SCOC: variants seen among roughly 807,000 people sequenced by gnomAD.
SCOC encodes short coiled coil protein.
Under a neutral mutation model 9.9 loss-of-function variants are expected in SCOC, and 7 were observed. That is an observed-to-expected ratio of 0.71 (90% CI 0.40 to 1.33). SCOC has a LOEUF of 1.33. Among genes scored for constraint, SCOC ranks in the 40% most tolerant of loss-of-function variants. The pLI is 0.01. For synonymous variants in SCOC, 19 were observed against 28.2 expected (o/e 0.67, Z 1.03); for missense variants, 66 against 89.7 (o/e 0.74, Z 1.07).
chr4:140,307,907 T>C (rs777760656), intron 1 of SCOC, among the ~76,000 whole-genome samples: 1 of 152,214 alleles, frequency 6.6e-6, no homozygotes, highest in African/African-American at 2.4e-5. Context: ...CTAATGTTGA[T>C]GTATATTGCA....
At chr4:140,374,499 C>T (rs1303096704) in intron 1 of SCOC, among the ~76,000 whole-genome samples, 2 of 152,128 alleles carry the variant, frequency 1.3e-5, no homozygotes, top group African/African-American at 4.8e-5. Flanking sequence ...GTATAGCTTC[C>T]ATTTAAATCC....
intron 1 of SCOC, among the ~76,000 whole-genome samples, chr4:140,338,313 C>A (rs1733018115): frequency 6.6e-6 from 1 of 152,160 alleles, no homozygotes; most frequent in Non-Finnish European, 1.5e-5. Flanking sequence ...ATAATAAGAG[C>A]TATTTATGAC....
At chr4:140,321,682 C>T (rs1732504941) in intron 1 of SCOC, among the ~76,000 whole-genome samples, 1 of 152,048 alleles carries the variant, frequency 6.6e-6, no homozygotes, top group Non-Finnish European at 1.5e-5. Context: ...ACAAAATCTC[C>T]AAGAGCTATG....
At chr4:140,345,040 C>A (rs1378875009) in intron 2 of SCOC, among the ~76,000 whole-genome samples, 1 of 152,162 alleles carries the variant, frequency 6.6e-6, no homozygotes, top group Non-Finnish European at 1.5e-5. Context: ...CACTTTCACA[C>A]TTCCAGTGGA....
intron 1 of SCOC, among the ~76,000 whole-genome samples, chr4:140,298,927 C>T (rs967982762): frequency 2.6e-5 from 4 of 152,152 alleles, no homozygotes; most frequent in Non-Finnish European, 5.9e-5. Flanking sequence ...GCGATCCTCC[C>T]ACTTCAGCCT....
At chr4:140,336,080 CTTCCGTTGAATTTGAATTGTAAAGTAG>C (rs1732948827) in intron 1 of SCOC, among the ~76,000 whole-genome samples, 1 of 152,196 alleles carries the variant, frequency 6.6e-6, no homozygotes, top group African/African-American at 2.4e-5. Flanking sequence ...GTACACTAGT[CTTCCGTTGAATTTGAATTGTAAAGTAG>C]TTACAATTTA....
intron 1 of SCOC, among the ~76,000 whole-genome samples, chr4:140,267,187 C>T (rs543589403): frequency 1.5e-4 from 23 of 152,236 alleles, no homozygotes; most frequent in Admixed American, 1.1e-3. Context: ...GGTGAGTCAG[C>T]GGGAACCACA....
At chr4:140,313,845 C>T (rs992089276) in intron 1 of SCOC, among the ~76,000 whole-genome samples, 5 of 151,842 alleles carry the variant, frequency 3.3e-5, no homozygotes, top group Admixed American at 6.6e-5. Context: ...TACATACAGT[C>T]GGCTAGGTGC....
chr4:140,282,310 G>A (rs1731118889), intron 1 of SCOC, among the ~76,000 whole-genome samples: 1 of 152,150 alleles, frequency 6.6e-6, no homozygotes, highest in Non-Finnish European at 1.5e-5. Flanking sequence ...ATTCTGAAAG[G>A]TCTCCAGGGG....
At chr4:140,355,641 T>C (rs1220886215) in intron 2 of SCOC, among the ~76,000 whole-genome samples, 6 of 152,202 alleles carry the variant, frequency 3.9e-5, no homozygotes, top group Non-Finnish European at 7.3e-5. Context: ...GGTCCTCTAG[T>C]TATGTTATGA....
chr4:140,261,295 T>C (rs1286390598), intron 1 of SCOC, among the ~76,000 whole-genome samples: 2 of 152,190 alleles, frequency 1.3e-5, no homozygotes, highest in Non-Finnish European at 2.9e-5. Flanking sequence ...ACTCTGTGCC[T>C]TTAGGGCTAA....
At chr4:140,281,956 G>A (rs1427920038) in intron 1 of SCOC, among the ~76,000 whole-genome samples, 1 of 152,216 alleles carries the variant, frequency 6.6e-6, no homozygotes, top group South Asian at 2.1e-4. Flanking sequence ...AGGAAATTGG[G>A]TATCCTATAT....
intron 1 of SCOC, among the ~76,000 whole-genome samples, chr4:140,306,528 G>A (rs1731993093): frequency 6.6e-6 from 1 of 152,150 alleles, no homozygotes; most frequent in Non-Finnish European, 1.5e-5. Context: ...AGATGTAGAG[G>A]CAAAGATTAG....
rs115290117 is a variant in SCOC, at chr4:140,366,678, G to A, written c.71-12443G>A. ...GGTGGGCTCTGTGTGGAAACTTGAG[G>A]TTGAAATCAGTGAGCTGCATGCACT... On this transcript the variant is annotated intron_variant, in intron 2 of 4. Coordinates refer to the SCOC transcript ENST00000338517. The A allele has an allele frequency of 5.4e-4, 864 of 1,596,554 alleles. 4 individuals carry two copies. The African/African-American group carries it at 0.01, about 19-fold the overall frequency.
chr4:140,308,638 T>C (rs1029932661), intron 1 of SCOC, among the ~76,000 whole-genome samples: 2 of 152,182 alleles, frequency 1.3e-5, no homozygotes, highest in African/African-American at 2.4e-5. Flanking sequence ...TGCCGGCTTG[T>C]CTGTGCACGC....
chr4:140,271,161 G>A (rs1056186235), intron 1 of SCOC, among the ~76,000 whole-genome samples: 2 of 152,226 alleles, frequency 1.3e-5, no homozygotes, highest in South Asian at 4.1e-4. Flanking sequence ...AAGACTTGTG[G>A]AAAAGGGTCA....
chr4:140,305,512 T>C (rs1731951785), intron 1 of SCOC, among the ~76,000 whole-genome samples: 2 of 152,178 alleles, frequency 1.3e-5, no homozygotes, highest in African/African-American at 4.8e-5. Flanking sequence ...GCAAGATCTC[T>C]GGCAAGAACA....
At chr4:140,337,004 C>A (rs1732975905) in intron 1 of SCOC, among the ~76,000 whole-genome samples, 1 of 152,094 alleles carries the variant, frequency 6.6e-6, no homozygotes, top group Admixed American at 6.6e-5. Flanking sequence ...TGTTGAATAT[C>A]CTTTCATGTG....
chr4:140,373,440 C>G, upstream of SCOC: 2 of 1,526,298 alleles, frequency 1.3e-6, no homozygotes, highest in South Asian at 2.5e-5. Context: ...CCGCCCACAG[C>G]GACCTCAATC....
Sources: gnomAD v4.1 joint callset for allele counts (sites outside exome capture counted in the v4.1 genomes callset) on GRCh38, gnomAD v4.1.1 for gene constraint, MANE v1.5 for transcripts, NCBI Gene and HGNC (gene_info 2026-07-23, HGNC 2026-07-21) for gene names.